Variants in PARPBP observed in about 807,000 individuals in gnomAD.
The protein encoded by PARPBP is PARP1 binding protein, also known as PCNA-interacting partner.
PARPBP carries 52 observed loss-of-function variants against 50.0 expected under a neutral mutation model. The observed-to-expected ratio is 1.04, with a 90% CI of 0.83 to 1.31. The LOEUF (loss-of-function observed/expected upper bound fraction) is 1.31, where lower values mean the gene tolerates loss of function less well. PARPBP is among the 50% of genes most tolerant of loss of function. PARPBP has a pLI of 0.00. For missense variants in PARPBP, 697 were observed against 672.0 expected (o/e 1.04, Z -0.41); for synonymous variants, 244 against 232.1 (o/e 1.05, Z -0.47).
intron 6 of PARPBP, among the ~76,000 whole-genome samples, chr12:102,173,190 A>G (rs756870617): frequency 2.6e-5 from 4 of 152,238 alleles, no homozygotes; most frequent in Non-Finnish European, 4.4e-5. Context: ...GCATGGGGAG[A>G]TAAATAGGAA....
intron 9 of PARPBP, among the ~76,000 whole-genome samples, chr12:102,195,100 A>G (rs1030736049): frequency 1.3e-5 from 2 of 151,698 alleles, no homozygotes; most frequent in Admixed American, 6.6e-5. Flanking sequence ...ACATAAAGCT[A>G]TTATTTTGGA....
At chr12:102,121,833 A>G (rs1023054992) in intron 1 of PARPBP, among the ~76,000 whole-genome samples, 2 of 152,158 alleles carry the variant, frequency 1.3e-5, no homozygotes, top group Non-Finnish European at 2.9e-5. Context: ...CACCATGCCC[A>G]GGCAATGCTC....
intron 1 of PARPBP, among the ~76,000 whole-genome samples, chr12:102,121,545 CTTTTTTTTTTTT>C (rs35855638): frequency 3.2e-4 from 28 of 87,194 alleles, no homozygotes; most frequent in Admixed American, 4.0e-4. Context: ...TAGTAATGCT[CTTTTTTTTTTTT>C]TTTTTTTTTT....
intron 9 of PARPBP, among the ~76,000 whole-genome samples, chr12:102,189,175 A>G (rs773420558): frequency 6.6e-6 from 1 of 152,226 alleles, no homozygotes; most frequent in Non-Finnish European, 1.5e-5. Context: ...ACTACCTAGC[A>G]TTTAGAAGAG....
chr12:102,153,738 C>G, intron 3 of PARPBP, 131 bp from the exon 4 acceptor site: 1 of 586,254 alleles, frequency 1.7e-6, no homozygotes, highest in Admixed American at 2.9e-5. Context: ...TATATGTATT[C>G]TTAATGATTG....
chr12:102,196,673 G>A lies in PARPBP; in HGVS notation c.*382G>A, dbSNP rs1891337206. The A allele has an allele frequency of 6.2e-7, 1 of 1,610,294 alleles. No individual in the cohort carries two copies. The highest frequency in any genetic ancestry group is 8.5e-7 in the Non-Finnish European group (1 of 1,177,078). ...GGTATCAGACTTGCCAACAAGGTCG[G>A]TAGACTCTTCCCAGCATACATCTGA... is the stretch of plus-strand genomic sequence containing the variant. On this transcript the variant is annotated 3_prime_UTR_variant, in exon 11 of 11. Coordinates refer to ENST00000327680, the MANE Select transcript of PARPBP (RefSeq NM_017915.5).
In PARPBP at chr12:102,164,558, T is replaced by C; in HGVS notation, c.616T>C (p.Phe206Leu). 6.2e-7 allele frequency: 1 copy of C among 1,613,496 alleles called. No individual in the cohort carries two copies. The highest frequency in any genetic ancestry group is 8.5e-7 in the Non-Finnish European group (1 of 1,179,510). ...TGATAGAGGACTAGGAAGAGAAGCC[T>C]TCACTGATTTGAAACATGCTGCTCG... ...IPDRGLGREAFTDLKHAAREK... is the reference protein window; with the variant it reads ...IPDRGLGREALTDLKHAAREK... The change falls in exon 5 of 11, where the codon TTC becomes CTC. Residue 206 changes from phenylalanine to leucine, a missense_variant. Transcript: ENST00000327680.
chr12:102,164,401 T>G (rs1441507425), intron 4 of PARPBP, 37 bp from the exon 5 acceptor site: 2 of 1,473,216 alleles, frequency 1.4e-6, no homozygotes, highest in South Asian at 1.2e-5. Flanking sequence ...TTAGAAGAAC[T>G]GCAATAAAGA....
At chr12:102,195,859 G>T in intron 10 of PARPBP, 92 bp from the exon 11 acceptor site, 2 of 750,922 alleles carry the variant, frequency 2.7e-6, no homozygotes, top group Non-Finnish European at 4.2e-6. Flanking sequence ...TTGAATATTC[G>T]TTAGCCATTT....
intron 6 of PARPBP, among the ~76,000 whole-genome samples, chr12:102,173,614 CA>C (rs1476344746): frequency 3.3e-5 from 5 of 151,656 alleles, no homozygotes; most frequent in African/African-American, 1.2e-4. Flanking sequence ...AAAAAAACTT[CA>C]AAAATATAAA....
chr12:102,161,791 T>C (rs953611412), intron 4 of PARPBP, among the ~76,000 whole-genome samples: 7 of 152,096 alleles, frequency 4.6e-5, no homozygotes, highest in African/African-American at 7.2e-5. Flanking sequence ...ATGCAGAGAA[T>C]TATAATAGGG....
chr12:102,126,489 A>C (rs1882014339), intron 2 of PARPBP, among the ~76,000 whole-genome samples: 2 of 152,220 alleles, frequency 1.3e-5, no homozygotes, highest in Non-Finnish European at 2.9e-5. Flanking sequence ...GTCTGTTTTA[A>C]AGTTGTAACA....
At chr12:102,184,795 A>G (rs778172141) in intron 9 of PARPBP, among the ~76,000 whole-genome samples, 3 of 152,206 alleles carry the variant, frequency 2.0e-5, no homozygotes, top group African/African-American at 4.8e-5. Flanking sequence ...AGCCATGTAG[A>G]GTATTTGTTG....
chr12:102,154,782 T>G (rs2139089558), intron 4 of PARPBP: 1 of 437,550 alleles, frequency 2.3e-6, no homozygotes, highest in African/African-American at 2.0e-5. Context: ...GAGGAAAATT[T>G]GCGTTTGTAA....
chr12:102,167,825 G>A (rs76492864), intron 6 of PARPBP, among the ~76,000 whole-genome samples: 1 of 152,232 alleles, frequency 6.6e-6, no homozygotes, highest in East Asian at 1.9e-4. Context: ...TGCTTCCCAT[G>A]CTGAGGTGGG....
Position 102,175,762 on chromosome 12 carries a change from G to C in PARPBP, c.1005+96G>C. 2.8e-6 allele frequency: 2 copies of C among 725,460 alleles called. 1 individual carries two copies. Among genetic ancestry groups the C allele is most frequent in the Non-Finnish European group, 4.2e-6 (2 of 471,398 alleles). 44.9% of individuals were successfully genotyped at this position (725,460 alleles called of 1,614,324 possible). ...TTTATTATTGCTACTTAAGTCAGAAGAGTGTGTTTCCTGTGTTCTAAAATG... is the reference window on the plus strand; with the variant it reads ...TTTATTATTGCTACTTAAGTCAGAACAGTGTGTTTCCTGTGTTCTAAAATG... On this transcript the variant is annotated intron_variant, in intron 7 of 10. Transcript: ENST00000327680.
chr12:102,177,907 T>C (rs1302948400), intron 7 of PARPBP, among the ~76,000 whole-genome samples: 1 of 152,238 alleles, frequency 6.6e-6, no homozygotes, highest in Non-Finnish European at 1.5e-5. Context: ...CTTCTTCCTC[T>C]GGGTGCCTCC....
chr12:102,136,756 G>C (rs1240133147), intron 2 of PARPBP, among the ~76,000 whole-genome samples: 1 of 152,076 alleles, frequency 6.6e-6, no homozygotes, highest in Admixed American at 6.6e-5. Context: ...AGTTAGCTTA[G>C]GCATCCTCAA....
At chr12:102,120,598 G>A (rs1332510669) in intron 1 of PARPBP, 2 of 416,176 alleles carry the variant, frequency 4.8e-6, no homozygotes, top group Admixed American at 2.7e-5. Flanking sequence ...CTATGTACAC[G>A]GACTCCAATT....
Sources: gnomAD v4.1 joint callset for allele counts (sites outside exome capture counted in the v4.1 genomes callset) on GRCh38, gnomAD v4.1.1 for gene constraint, MANE v1.5 for transcripts, NCBI Gene and HGNC (gene_info 2026-07-23, HGNC 2026-07-21) for gene names.